Variants in ABCA4 observed in about 807,000 individuals in gnomAD.
The protein encoded by ABCA4 is retinal-specific phospholipid-transporting ATPase ABCA4.
In ABCA4, 196 loss-of-function variants were observed where a neutral mutation model predicts 263.7. The ratio of observed to expected loss-of-function variants is 0.74; its 90% CI spans 0.66 to 0.84. ABCA4 has a LOEUF of 0.84. Ranked by LOEUF, ABCA4 falls within the 40% of genes least tolerant of loss-of-function variation. The pLI is 0.00. For synonymous variants in ABCA4, 1,133 were observed against 1,094.2 expected (o/e 1.04, Z -0.70); for missense variants, 2,792 against 2,855.1 (o/e 0.98, Z 0.50).
chr1:94,118,350 TG>T (rs1662857856), intron 1 of ABCA4, among the ~76,000 whole-genome samples: 1 of 152,176 alleles, frequency 6.6e-6, no homozygotes, highest in African/African-American at 2.4e-5. Context: ...AGCTGAGGAA[TG>T]AGGAAATTTG....
rs3789386 is a variant in ABCA4, at chr1:94,008,049, A to G, written c.5898+186T>C. ...ATATTGAGTAAAATAAAAAATACTAATGAAATTAATTTTACCTATTTTCTT... is the reference window on the plus strand; with the variant it reads ...ATATTGAGTAAAATAAAAAATACTAGTGAAATTAATTTTACCTATTTTCTT... On this transcript the variant is annotated intron_variant, in intron 42 of 49. Transcript: ENST00000370225. 0.19 allele frequency among the ~76,000 whole-genome samples: 29,334 copies of G among 152,202 alleles called. 2,923 individuals carry two copies. The highest frequency in any genetic ancestry group is 0.24 in the African/African-American group (9,804 of 41,508).
intron 6 of ABCA4, among the ~76,000 whole-genome samples, chr1:94,097,869 C>T (rs1355626647): frequency 6.6e-6 from 1 of 152,232 alleles, no homozygotes. Context: ...CCGGCCTCAG[C>T]CTCCTCAGTA....
Position 94,029,544 on chromosome 1 carries a change from T to C in ABCA4, c.4440A>G (p.Thr1480=). 1 of 1,613,252 alleles carries C rather than the reference T, an allele frequency of 6.2e-7. No homozygotes were observed. Residue 1480 remains threonine, a synonymous_variant, in exon 30 of 50, where the codon ACA becomes ACG. Transcript: ENST00000370225. ...ITQLFQKQKW[T]QVNPSPSCRC... ...TGCAGGATGGTGAAGGGTTGACCTG[T>C]GTCCATTTCTGCTTCTGGAACAGCT...
chr1:94,045,630 C>T, intron 19 of ABCA4: 1 of 410,380 alleles, frequency 2.4e-6, no homozygotes, highest in Admixed American at 2.5e-5. Context: ...AGCTCTGTCC[C>T]TGAGTTCTGA....
rs764435582 is a variant in ABCA4, at chr1:94,036,781, A to T, written c.3821T>A (p.Leu1274Gln). 6.2e-7 allele frequency: 1 copy of T among 1,614,184 alleles called. No individual in the cohort carries two copies. Among genetic ancestry groups the T allele is most frequent in the Non-Finnish European group, 8.5e-7 (1 of 1,180,008 alleles). The change falls in exon 26 of 50, where the codon CTG becomes CAG. Residue 1274 changes from leucine (L) to glutamine (Q), a missense_variant. Transcript: ENST00000370225. ...TGAATCAGAATCCTCCGTGACCTTCAGAAAAATCTGTCAAGAAGAAAAAAA... is the reference window on the plus strand; with the variant it reads ...TGAATCAGAATCCTCCGTGACCTTCTGAAAAATCTGTCAAGAAGAAAAAAA... The part of the protein sequence containing the change: ...ISDTPLEEIF[L>Q]KVTEDSDSGP...
chr1:94,092,199 C>T (rs938727021), intron 6 of ABCA4, among the ~76,000 whole-genome samples: 3 of 152,122 alleles, frequency 2.0e-5, no homozygotes, highest in African/African-American at 7.2e-5. Context: ...CTTTTTGGGG[C>T]AGACATGGCC....
At position 94,011,245 on chromosome 1, in the gene ABCA4, C is replaced by T. The variant is rs1388619833; in HGVS notation, c.5584+17G>A. 2 of 1,613,870 alleles carry T rather than the reference C, an allele frequency of 1.2e-6. No individual in the cohort carries two copies. Among genetic ancestry groups the T allele is most frequent in the South Asian group, 1.1e-5 (1 of 91,074 alleles). ...GGACCCAGGGCCCATGCTCCATGGG[C>T]CTCGGCTACCACCCACCAAACCGGG... On this transcript the variant is annotated intron_variant, in intron 39 of 49. Transcript: ENST00000370225.
intron 11 of ABCA4, among the ~76,000 whole-genome samples, chr1:94,064,655 C>T (rs1322815769): frequency 6.6e-6 from 1 of 152,134 alleles, no homozygotes; most frequent in Non-Finnish European, 1.5e-5. Flanking sequence ...GCATCCATAT[C>T]TTGTAAAAAA....
At chr1:94,108,755 T>C (rs1180505834) in intron 3 of ABCA4, 39 bp from the exon 4 acceptor site, 1 of 1,610,940 alleles carries the variant, frequency 6.2e-7, no homozygotes, top group South Asian at 1.1e-5. Flanking sequence ...AAATAGCTGT[T>C]ATTTTTATAA....
At chr1:94,053,540 A>G (rs1660895625) in intron 16 of ABCA4, among the ~76,000 whole-genome samples, 1 of 152,240 alleles carries the variant, frequency 6.6e-6, no homozygotes, top group Non-Finnish European at 1.5e-5. Flanking sequence ...ATGAGGTCAC[A>G]TGGGAGCAAG....
chr1:94,005,049 T>C (rs1487574562), intron 44 of ABCA4, among the ~76,000 whole-genome samples: 3 of 152,248 alleles, frequency 2.0e-5, no homozygotes, highest in Non-Finnish European at 1.5e-5. Flanking sequence ...CCATAAATTA[T>C]TCAGCCAATC....
At chr1:94,019,351 CA>C (rs1387969753) in intron 36 of ABCA4, 7 of 542,194 alleles carry the variant, frequency 1.3e-5, no homozygotes, top group Admixed American at 3.1e-5. Flanking sequence ...AGCCCCCGTT[CA>C]CCAGTTGTTA....
intron 36 of ABCA4, among the ~76,000 whole-genome samples, chr1:94,017,074 C>T (rs886674365): frequency 6.6e-6 from 1 of 151,952 alleles, no homozygotes; most frequent in Admixed American, 6.6e-5. Context: ...GATCATAGTC[C>T]ATTGATTAAC....
intron 30 of ABCA4, among the ~76,000 whole-genome samples, chr1:94,027,295 G>A (rs1020054171): frequency 3.3e-5 from 5 of 152,186 alleles, no homozygotes; most frequent in South Asian, 2.1e-4. Flanking sequence ...TGGACAGACC[G>A]CGTGGAAGTA....
chr1:94,083,096 C>T (rs973765155), intron 7 of ABCA4, among the ~76,000 whole-genome samples: 1 of 152,240 alleles, frequency 6.6e-6, no homozygotes, highest in African/African-American at 2.4e-5. Flanking sequence ...ATTTATGCCA[C>T]ACCAGGCAAG....
intron 48 of ABCA4, among the ~76,000 whole-genome samples, chr1:93,996,687 T>TAAA (rs892020124): frequency 6.6e-5 from 10 of 151,792 alleles, no homozygotes; most frequent in African/African-American, 2.4e-4. Flanking sequence ...TGTTTATTTT[T>TAAA]AAAAAAACAT....
At chr1:94,021,173 T>C in intron 35 of ABCA4, 67 bp downstream of exon 35, 1 of 1,605,940 alleles carries the variant, frequency 6.2e-7, no homozygotes, top group South Asian at 1.1e-5. Context: ...GTGAGAATCC[T>C]CTCAGGATGT....
At chr1:94,070,119 T>A (rs1241626191) in intron 11 of ABCA4, among the ~76,000 whole-genome samples, 1 of 152,158 alleles carries the variant, frequency 6.6e-6, no homozygotes, top group East Asian at 1.9e-4. Flanking sequence ...GCTACTATAT[T>A]CAAAACATCT....
In ABCA4 at chr1:94,079,376, C is replaced by A. The variant is rs61783978; in HGVS notation, c.1185G>T (p.Met395Ile). The A allele has an allele frequency of 3.8e-5, 61 of 1,614,066 alleles. No homozygotes were observed. The highest frequency in any genetic ancestry group is 4.7e-5 in the Non-Finnish European group (55 of 1,180,030). ...AATCAGGAGTGTACAGGATTTTTCCCATCAGCAAAGGCTTTGCCGCCCTCC... is the reference window on the plus strand; with the variant it reads ...AATCAGGAGTGTACAGGATTTTTCCAATCAGCAAAGGCTTTGCCGCCCTCC... ...IAWRAAKPLL[M>I]GKILYTPDSP... is the part of the protein sequence containing the mutation. Residue 395 changes from methionine to isoleucine, a missense_variant, in exon 9 of 50, where the codon ATG (methionine) becomes ATT (isoleucine). Coordinates refer to ENST00000370225, the MANE Select transcript of ABCA4 (RefSeq NM_000350.3).
Sources: allele counts gnomAD v4.1 joint callset (sites outside exome capture counted in the v4.1 genomes callset), GRCh38; gene constraint gnomAD v4.1.1; transcripts MANE v1.5; gene names NCBI Gene and HGNC (gene_info 2026-07-23, HGNC 2026-07-21).